The following CACNA1F variants were observed in gnomAD, a reference collection of about 807,000 sequenced individuals.
CACNA1F encodes calcium voltage-gated channel subunit alpha1 F.
Under a neutral mutation model 143.8 loss-of-function variants are expected in CACNA1F, and 59 were observed. The ratio of observed to expected loss-of-function variants is 0.41; its 90% CI spans 0.33 to 0.51. The LOEUF (loss-of-function observed/expected upper bound fraction) is 0.51. Among genes scored for constraint, CACNA1F ranks in the 20% least tolerant of loss-of-function variants. The probability of loss-of-function intolerance (pLI) is 0.22; values close to 1 mark genes in which losing one functional copy is unlikely to be tolerated. For missense variants in CACNA1F, 1,411 were observed against 1,647.5 expected (o/e 0.86, Z 2.48); for synonymous variants, 643 against 649.1 (o/e 0.99, Z 0.14).
rs1442681110 is a variant in CACNA1F at position 49,205,425 on chromosome X, G to A, written c.5671-58C>T. 4 of 951,880 alleles carry A rather than the reference G, an allele frequency of 4.2e-6. No individual in the cohort carries two copies. The East Asian group carries it at 1.3e-4, about 31-fold the overall frequency. 78.4% of individuals were successfully genotyped at this position (951,880 alleles called of 1,213,427 possible). On this transcript the variant is annotated intron_variant, in intron 47 of 47. Coordinates refer to ENST00000323022, the MANE Select transcript of CACNA1F (RefSeq NM_001256789.3). ...CGGCACAGTGTGCACAGAAGGTTCA[G>A]TGTGGATAAATGACGTGCCCATGAG...
chrX:49,217,801 A>G lies in CACNA1F; in HGVS notation c.3043T>C (p.Phe1015Leu). ...TTGGCCTCGTCCGTGCAGGTGTAGA[A>G]TTTCCCCTGTAGAGAGGATGTCTGT... The part of the protein sequence containing the change: ...CIGVQLFKGK[F>L]YTCTDEAKHT... The change falls in exon 26 of 48, where the codon TTC (phenylalanine) becomes CTC (leucine). Residue 1015 changes from phenylalanine (F) to leucine (L), a missense_variant. Physicochemically the swap from Phe to Leu is conservative, Grantham distance 22 (BLOSUM62 0). Coordinates refer to ENST00000323022, the MANE Select transcript of CACNA1F (RefSeq NM_001256789.3). 1 of 1,208,027 alleles carries G rather than the reference A, an allele frequency of 8.3e-7. No individual in the cohort carries two copies. Among genetic ancestry groups the G allele is most frequent in the African/African-American group, 1.7e-5 (1 of 57,245 alleles).
chrX:49,219,707 C>G lies in CACNA1F; in HGVS notation c.2470G>C (p.Glu824Gln). ...EGAGGVELLQ[E>Q]VVPKEKVVPI... is the part of the protein sequence containing the mutation. ...ACCACCTTCTCCTTGGGTACAACTT[C>G]CTGCAGGAGTTCCACACCCCCTGCA... Residue 824 changes from glutamate (E) to glutamine (Q), a missense_variant, in exon 20 of 48, where the codon GAA becomes CAA. Physicochemically the swap from Glu to Gln is conservative, Grantham distance 29 (BLOSUM62 2). Transcript: ENST00000323022. 1 of 1,199,760 alleles carries G rather than the reference C, an allele frequency of 8.3e-7. No homozygotes were observed.
chrX:49,218,582 G>A (rs377552065), intron 23 of CACNA1F, 40 bp from the exon 24 acceptor site: 14 of 1,182,921 alleles, frequency 1.2e-5, no homozygotes, highest in Admixed American at 1.2e-4. Context: ...CCCTGGCTGG[G>A]CCCTGGCTGT....
chrX:49,221,136 T>G, intron 17 of CACNA1F, 56 bp from the exon 18 acceptor site: 2 of 1,011,410 alleles, frequency 2.0e-6, no homozygotes, highest in South Asian at 1.9e-5. Context: ...ATCACTACAG[T>G]CAGAACAGAC....
At chrX:49,208,411 G>GGGCC in intron 43 of CACNA1F, 104 bp downstream of exon 43, 1 of 414,484 alleles carries the variant, frequency 2.4e-6, no homozygotes, top group Non-Finnish European at 4.3e-6. Context: ...AGGCCTCTAG[G>GGGCC]CCCTCCCTCC....
chrX:49,215,690 C>A, intron 27 of CACNA1F, 147 bp from the exon 28 acceptor site: 1 of 450,311 alleles, frequency 2.2e-6, no homozygotes, highest in African/African-American at 2.5e-5. Flanking sequence ...GACCTAACCA[C>A]CTGGGACCTC....
At chrX:49,232,879 C>G in intron 1 of CACNA1F, among the ~76,000 whole-genome samples, 1 of 109,775 alleles carries the variant, frequency 9.1e-6, no homozygotes, top group East Asian at 2.8e-4. Context: ...CAATCACTAA[C>G]AGTATTGACA....
At position 49,205,313 on chromosome X, in the gene CACNA1F, G is replaced by T; in HGVS notation, c.5725C>A (p.Leu1909Met). The T allele has an allele frequency of 8.3e-7, 1 of 1,209,733 alleles. No homozygotes were observed. The highest frequency in any genetic ancestry group is 1.1e-6 in the Non-Finnish European group (1 of 894,646). Residue 1909 changes from leucine (L) to methionine (M), a missense_variant, in exon 48 of 48, where the codon CTG (leucine) becomes ATG (methionine). Around this residue, in one of 3 missense-constraint regions of CACNA1F, gnomAD observed 349 missense variants for 350.2 expected, o/e 1.00. Transcript: ENST00000323022. Reference sequence around the variant, plus strand: ...GCATCTGCAATCTCCTGCTTGGCCAGGGCCACGAAACGTGGGTCTCGAGCA... The same window carrying T: ...GCATCTGCAATCTCCTGCTTGGCCATGGCCACGAAACGTGGGTCTCGAGCA... ...LFARDPRFVA[L>M]AKQEIADACR...
chrX:49,206,618 T>G lies in CACNA1F; in HGVS notation c.5365A>C (p.Lys1789Gln). Residue 1789 changes from lysine to glutamine, a missense_variant, in exon 46 of 48, where the codon AAG (lysine) becomes CAG (glutamine). Physicochemically the swap from Lys to Gln is moderately conservative, Grantham distance 53 (BLOSUM62 1). This residue lies in a region of CACNA1F where 349 missense variants were observed against 350.2 expected (regional missense o/e 1.00). Transcript: ENST00000323022. ...AGACACTGGATGGTGAAGGAGGGCT[T>G]CCGACCTGGGGGTGGGTGGGGCACC... is the stretch of plus-strand genomic sequence containing the variant. ...RLLPPTPAGR[K>Q]PSFTIQCLQR... The G allele has an allele frequency of 8.3e-7, 1 of 1,203,737 alleles. No individual in the cohort carries two copies. The highest frequency in any genetic ancestry group is 1.1e-6 in the Non-Finnish European group (1 of 888,519).
intron 9 of CACNA1F, 85 bp from the exon 10 acceptor site, chrX:49,226,787 C>A: frequency 1.0e-6 from 1 of 992,062 alleles, no homozygotes; most frequent in Non-Finnish European, 1.4e-6. Flanking sequence ...CATTTGGAGT[C>A]TTTATAGCTG....
intron 46 of CACNA1F, 65 bp from the exon 47 acceptor site, chrX:49,205,878 C>T (rs1025997125): frequency 1.0e-6 from 1 of 955,066 alleles, no homozygotes; most frequent in African/African-American, 1.9e-5. Flanking sequence ...CTAGGACTCA[C>T]CGCTGTGCCT....
rs782347788 is a variant in CACNA1F at position 49,218,569 on chromosome X, T to TGGCCCTGGCTG, written c.2841-38_2841-28dup. 8 of 1,181,153 alleles carry TGGCCCTGGCTG rather than the reference T, an allele frequency of 6.8e-6. No homozygotes were observed. In the Admixed American group the frequency reaches 7.1e-5, roughly 10 times the overall value. On this transcript the variant is annotated intron_variant, in intron 23 of 47. Transcript: ENST00000323022. ...TGGGGAAGGGGCAATCCTCAGGCATTGGCCCTGGCTGGGCCCTGGCTGTGA... is the reference window on the plus strand; with the variant it reads ...TGGGGAAGGGGCAATCCTCAGGCATTGGCCCTGGCTGGGCCCTGGCTGGGCCCTGGCTGTGA...
Position 49,229,872 on chromosome X carries a change from G to C in CACNA1F, c.817+348C>G, listed in dbSNP as rs782519889. The stretch of plus-strand genomic sequence containing the variant: ...TCACCGTGTTAGCCAGGATGGTCTC[G>C]ATCTCCTGACCTCGTGATCCGCCCG... On this transcript the variant is annotated intron_variant, in intron 6 of 47. Transcript: ENST00000323022. 1.8e-3 allele frequency among the ~76,000 whole-genome samples: 184 copies of C among 104,771 alleles called. 1 individual carries two copies. Among genetic ancestry groups the C allele is most frequent in the African/African-American group, 5.7e-3 (162 of 28,321 alleles). 91.0% of individuals were successfully genotyped at this position (104,771 alleles called of 115,157 possible). A position where few individuals can be genotyped will look rare whatever the true frequency, so the allele number is the denominator to read the frequency against.
chrX:49,233,312 T>C lies in CACNA1F; in HGVS notation c.-3A>G. On this transcript the variant is annotated 5_prime_UTR_variant, in exon 1 of 48. Coordinates refer to ENST00000323022, the MANE Select transcript of CACNA1F (RefSeq NM_001256789.3). ...TTCCCGCCTTCAGATTCCGACATCT[T>C]TCTTTCGAGATTGAAGGGCCATCTG... is the stretch of plus-strand genomic sequence containing the variant. The C allele has an allele frequency of 8.3e-7, 1 of 1,205,269 alleles. No homozygotes were observed. Among genetic ancestry groups the C allele is most frequent in the Admixed American group, 2.2e-5 (1 of 45,960 alleles).
rs2065673850 is a variant in CACNA1F at position 49,212,990 on chromosome X, C to T, written c.3797G>A (p.Gly1266Asp). The change falls in exon 32 of 48, where the codon GGT (glycine) becomes GAT (aspartate). Residue 1266 changes from glycine (G) to aspartate (D), a missense_variant. Around this residue, in one of 3 missense-constraint regions of CACNA1F, gnomAD observed 950 missense variants for 1,128.1 expected, o/e 0.84. Coordinates refer to ENST00000323022, the MANE Select transcript of CACNA1F (RefSeq NM_001256789.3). ...GTGGGCTACCTCGCCAAGGTGGCCA[C>T]CATTCTGGAGGGAGATATGGCCAAG... ...VDIAVTEVNN[G>D]GHLGESSEDS... is the part of the protein sequence containing the mutation. 6.7e-6 allele frequency: 8 copies of T among 1,202,900 alleles called. No individual in the cohort carries two copies. The highest frequency in any genetic ancestry group is 7.9e-6 in the Non-Finnish European group (7 of 889,998).
In CACNA1F at chrX:49,230,976, T is replaced by C. The variant is rs1557111197; in HGVS notation, c.395A>G (p.Tyr132Cys). 9.0e-7 allele frequency: 1 copy of C among 1,107,025 alleles called. No individual in the cohort carries two copies. The highest frequency in any genetic ancestry group is 2.3e-5 in the Admixed American group (1 of 44,224). The allele number at this position is 1,107,025 out of a possible 1,213,427, so 91.2% of individuals were successfully genotyped here. ...CACAGTGAAAATCACCAGGAATACG[T>C]ACTCCACCTGCTCCTGGGGGTGGGA... The part of the protein sequence containing the change: ...TANHNLEQVE[Y>C]VFLVIFTVET... The change falls in exon 4 of 48, where the codon TAC (tyrosine) becomes TGC (cysteine). Residue 132 changes from tyrosine (Y) to cysteine (C), a missense_variant. Around this residue, in one of 3 missense-constraint regions of CACNA1F, gnomAD observed 950 missense variants for 1,128.1 expected, o/e 0.84. Transcript: ENST00000323022.
At chrX:49,226,178 G>A in intron 12 of CACNA1F, 39 bp downstream of exon 12, 2 of 1,177,883 alleles carry the variant, frequency 1.7e-6, no homozygotes, top group South Asian at 3.6e-5. Flanking sequence ...GGGTTTCAAA[G>A]TTATGGAGTC....
At position 49,215,348 on chromosome X, in the gene CACNA1F, C is replaced by T. The variant is rs2147902766; in HGVS notation, c.3432G>A (p.Lys1144=). ...EQEYQNCELD[K]NQRQCVEYAL... is the part of the protein sequence containing the mutation. Reference sequence around the variant, plus strand: ...GTCAGGGGTCAGAGGTCACCTGGTTCTTGTCCAGCTCACAGTTTTGGTACT... The same window carrying T: ...GTCAGGGGTCAGAGGTCACCTGGTTTTTGTCCAGCTCACAGTTTTGGTACT... Residue 1144 remains lysine, a synonymous_variant, in exon 28 of 48, where the codon AAG becomes AAA. Coordinates refer to ENST00000323022, the MANE Select transcript of CACNA1F (RefSeq NM_001256789.3). The T allele has an allele frequency of 8.3e-6, 10 of 1,210,333 alleles. No homozygotes were observed. The highest frequency in any genetic ancestry group is 1.1e-5 in the Non-Finnish European group (10 of 894,697).
intron 23 of CACNA1F, 42 bp downstream of exon 23, chrX:49,218,587 G>A (rs1557108033): frequency 8.5e-7 from 1 of 1,177,759 alleles, no homozygotes; most frequent in Non-Finnish European, 1.1e-6. Flanking sequence ...GCTGGGCCCT[G>A]GCTGTGAGAG....
Sources: gnomAD v4.1 joint callset for allele counts (sites outside exome capture counted in the v4.1 genomes callset) on GRCh38, gnomAD v4.1.1 for gene constraint, gnomAD v4.1.1 regional missense constraint, MANE v1.5 for transcripts, NCBI Gene and HGNC (gene_info 2026-07-23, HGNC 2026-07-21) for gene names.